Variants in SUPT16H observed in about 807,000 individuals in gnomAD.
SUPT16H encodes the protein SPT16 homolog, facilitates chromatin remodeling subunit, also known as FACT complex subunit SPT16.
A neutral mutation model predicts 136.2 loss-of-function variants in SUPT16H; 24 were observed. That is an observed-to-expected ratio of 0.18 (90% CI 0.13 to 0.25). The LOEUF is 0.25. SUPT16H is among the 10% of genes least tolerant of loss of function. The probability of loss-of-function intolerance (pLI) is 1.00; values close to 1 mark genes in which losing one functional copy is unlikely to be tolerated. For synonymous variants in SUPT16H, 415 were observed against 428.2 expected (o/e 0.97, Z 0.38); for missense variants, 623 against 1,270.2 (o/e 0.49, Z 7.74).
chr14:21,357,972 G>A lies in SUPT16H; in HGVS notation c.2445C>T (p.Cys815=). 6.2e-7 allele frequency: 1 copy of A among 1,613,858 alleles called. No individual in the cohort carries two copies. Among genetic ancestry groups the A allele is most frequent in the Non-Finnish European group, 8.5e-7 (1 of 1,179,902 alleles). The change falls in exon 21 of 26, where the codon TGC becomes TGT. Residue 815 remains cysteine (C), a synonymous_variant. Coordinates refer to ENST00000216297, the MANE Select transcript of SUPT16H (RefSeq NM_007192.4). ...GFNGAPYRST[C]LLQPTSSALV... ...GCGCACTACTAGTGGGCTGAAGGAG[G>A]CAGGTACTCCTATAGGGAGCTCCGT...
At position 21,367,346 on chromosome 14, in the gene SUPT16H, C is replaced by T. The variant is rs1241492695; in HGVS notation, c.956-817G>A. ...TCACATTAAAGTTATTATACATTTT[C>T]AAAAACAGATCCTTGTGGTGGGCCT... On this transcript the variant is annotated intron_variant, in intron 7 of 25. Coordinates refer to ENST00000216297, the MANE Select transcript of SUPT16H (RefSeq NM_007192.4). Among the ~76,000 whole-genome samples the T allele has an allele frequency of 2.6e-5, 4 of 152,166 alleles. No homozygotes were observed. The South Asian group carries it at 6.2e-4, about 24-fold the overall frequency.
intron 8 of SUPT16H, among the ~76,000 whole-genome samples, chr14:21,366,233 C>T (rs1886663237): frequency 6.6e-6 from 1 of 152,212 alleles, no homozygotes; most frequent in Admixed American, 6.5e-5. Flanking sequence ...GAACACCACA[C>T]TGGTCTAGAA....
At chr14:21,377,020 T>C (rs547129093) in intron 1 of SUPT16H, among the ~76,000 whole-genome samples, 8 of 146,652 alleles carry the variant, frequency 5.5e-5, no homozygotes, top group African/African-American at 1.5e-4. Context: ...TAAGCCGAGA[T>C]TGCATCACTG....
chr14:21,363,963 G>C (rs777022738), intron 10 of SUPT16H, among the ~76,000 whole-genome samples: 1 of 152,164 alleles, frequency 6.6e-6, no homozygotes, highest in Non-Finnish European at 1.5e-5. Context: ...ACACGCGTGA[G>C]CCACTGCGCC....
At chr14:21,383,662 G>C (rs748805557) in intron 1 of SUPT16H, 200 bp downstream of exon 1, 9 of 720,444 alleles carry the variant, frequency 1.2e-5, no homozygotes, top group Non-Finnish European at 2.0e-5. Context: ...GATGGCCGCA[G>C]GACAGGGTGA....
In SUPT16H at chr14:21,357,286, C is replaced by T; in HGVS notation, c.2571G>A (p.Met857Ile). Residue 857 changes from methionine (M) to isoleucine (I), a missense_variant, in exon 22 of 26, where the codon ATG (methionine) becomes ATA (isoleucine). Met to Ile is a conservative substitution (Grantham distance 10, BLOSUM62 1). Around this residue, in one of 7 missense-constraint regions of SUPT16H, gnomAD observed 74 missense variants for 193.8 expected, o/e 0.38. Coordinates refer to ENST00000216297, the MANE Select transcript of SUPT16H (RefSeq NM_007192.4). The part of the protein sequence containing the change: ...RVQFHLKNFD[M>I]VIVYKDYSKK... ...TGCTGTAGTCCTTGTAGACGATTAC[C>T]ATATCAAAGTTCTTCAGGTGAAACT... 1.2e-6 allele frequency: 2 copies of T among 1,613,216 alleles called. No individual in the cohort carries two copies. The highest frequency in any genetic ancestry group is 1.7e-6 in the Non-Finnish European group (2 of 1,179,516).
At position 21,352,609 on chromosome 14, in the gene SUPT16H, T is replaced by G. The variant is rs890399443; in HGVS notation, c.*64A>C. ...AACGAAAGGAAAAATACAGTTTCTATGTCATGTAAAATTTTCAGGGGTTGG... is the reference window on the plus strand; with the variant it reads ...AACGAAAGGAAAAATACAGTTTCTAGGTCATGTAAAATTTTCAGGGGTTGG... On this transcript the variant is annotated 3_prime_UTR_variant, in exon 26 of 26. Coordinates refer to ENST00000216297, the MANE Select transcript of SUPT16H (RefSeq NM_007192.4). 5.0e-6 allele frequency: 8 copies of G among 1,606,220 alleles called. No homozygotes were observed. In the African/African-American group the frequency reaches 1.1e-4, roughly 22 times the overall value.
intron 22 of SUPT16H, 145 bp downstream of exon 22, chr14:21,357,052 C>T: frequency 5.4e-6 from 4 of 746,460 alleles, no homozygotes; most frequent in Non-Finnish European, 5.8e-6. Flanking sequence ...TAATAGATCT[C>T]AAGTTTTCAA....
chr14:21,369,446 T>C, intron 5 of SUPT16H, 91 bp from the exon 6 acceptor site: 2 of 1,515,868 alleles, frequency 1.3e-6, no homozygotes, highest in Non-Finnish European at 9.0e-7. Flanking sequence ...AAATGTATCC[T>C]TGTATAAGTC....
chr14:21,382,521 T>C (rs1352303020), intron 1 of SUPT16H, among the ~76,000 whole-genome samples: 1 of 152,202 alleles, frequency 6.6e-6, no homozygotes, highest in African/African-American at 2.4e-5. Flanking sequence ...TGAATCTGAA[T>C]CACTGGGACT....
rs1452402049 is a variant in SUPT16H, at chr14:21,360,439, A to G, written c.2151T>C (p.Ile717=). 2 of 1,613,690 alleles carry G rather than the reference A, an allele frequency of 1.2e-6. No homozygotes were observed. Among genetic ancestry groups the G allele is most frequent in the East Asian group, 4.5e-5 (2 of 44,886 alleles). ...CCTTGAGGTGAAAGTGCAAGACAAT[A>G]ATCATTTCTCCATCACAGGGCTGGA... ...ALFQPCDGEM[I]IVLHFHLKNA... Residue 717 remains isoleucine, a synonymous_variant, in exon 18 of 26, where the codon ATT becomes ATC. Coordinates refer to ENST00000216297, the MANE Select transcript of SUPT16H (RefSeq NM_007192.4).
chr14:21,354,300 AG>A, intron 23 of SUPT16H, 110 bp downstream of exon 23: 1 of 1,300,326 alleles, frequency 7.7e-7, no homozygotes, highest in Non-Finnish European at 1.0e-6. Context: ...TGGTGTTTAG[AG>A]CTTCTCCCAG....
intron 22 of SUPT16H, among the ~76,000 whole-genome samples, chr14:21,356,223 T>C (rs977922804): frequency 2.1e-5 from 2 of 94,310 alleles, no homozygotes; most frequent in Admixed American, 1.0e-4. Flanking sequence ...CCCTCAAGTC[T>C]TTGGTGGAGG....
At chr14:21,379,317 T>C (rs1039661755) in intron 1 of SUPT16H, among the ~76,000 whole-genome samples, 12 of 151,518 alleles carry the variant, frequency 7.9e-5, no homozygotes, top group African/African-American at 2.9e-4. Context: ...ACACCTGTAA[T>C]CTCAACTACT....
Position 21,357,978 on chromosome 14 carries a change from A to G in SUPT16H, c.2439T>C (p.Ser813=). Residue 813 remains serine, a synonymous_variant, in exon 21 of 26, where the codon AGT becomes AGC. Transcript: ENST00000216297. ...TACTAGTGGGCTGAAGGAGGCAGGTACTCCTATAGGGAGCTCCGTTAAATC... is the reference window on the plus strand; with the variant it reads ...TACTAGTGGGCTGAAGGAGGCAGGTGCTCCTATAGGGAGCTCCGTTAAATC... The part of the protein sequence containing the change: ...DLGFNGAPYR[S]TCLLQPTSSA... 3 of 1,613,834 alleles carry G rather than the reference A, an allele frequency of 1.9e-6. No homozygotes were observed. The highest frequency in any genetic ancestry group is 2.2e-5 in the East Asian group (1 of 44,878).
At position 21,358,309 on chromosome 14, in the gene SUPT16H, G is replaced by GGTAA; in HGVS notation, c.2414+5_2414+6insTTAC. 6.3e-7 allele frequency: 1 copy of GGTAA among 1,579,592 alleles called. No individual in the cohort carries two copies. The highest frequency in any genetic ancestry group is 1.1e-5 in the South Asian group (1 of 87,340). ...CAAACTTCAAGCCAAAAATAAGATA[G>GGTAA]GTTACCCCAAGTCCCTAAAAGGCAC... is the stretch of plus-strand genomic sequence containing the variant. On this transcript the variant is annotated splice_donor_region_variant and intron_variant, in intron 20 of 25. Transcript: ENST00000216297.
intron 8 of SUPT16H, among the ~76,000 whole-genome samples, chr14:21,365,646 C>T (rs1446250461): frequency 6.6e-6 from 1 of 152,052 alleles, no homozygotes; most frequent in East Asian, 1.9e-4. Flanking sequence ...GCTTTGTTTC[C>T]CAAAATGTCC....
At chr14:21,362,442 T>G in intron 14 of SUPT16H, 118 bp from the exon 15 acceptor site, 1 of 964,496 alleles carries the variant, frequency 1.0e-6, no homozygotes, top group Non-Finnish European at 1.4e-6. Context: ...TTAATCTAAA[T>G]CTAATAAATT....
Position 21,361,105 on chromosome 14 carries a change from AGTTTTAT to A in SUPT16H, c.1895_1901del (p.Tyr632PhefsTer13). 6.2e-7 allele frequency: 1 copy of A among 1,613,996 alleles called. No individual in the cohort carries two copies. The highest frequency in any genetic ancestry group is 8.5e-7 in the Non-Finnish European group (1 of 1,180,020). On this transcript the variant is annotated frameshift_variant, in exon 16 of 26. Transcript: ENST00000216297. LOFTEE classifies it high-confidence loss of function. ...CCTTCTCTTTCTCTTCAGCTTCTCG[AGTTTTAT>A]AACGTTTCTGTACTTCTTTAATAAT...
Sources: allele counts gnomAD v4.1 joint callset (sites outside exome capture counted in the v4.1 genomes callset), GRCh38; gene constraint gnomAD v4.1.1; regional missense constraint gnomAD v4.1.1; transcripts MANE v1.5; gene names NCBI Gene and HGNC (gene_info 2026-07-23, HGNC 2026-07-21).